TRIM27: variants seen among roughly 807,000 people sequenced by gnomAD.
The protein encoded by TRIM27 is tripartite motif containing 27.
A neutral mutation model predicts 57.6 loss-of-function variants in TRIM27; 12 were observed. The observed-to-expected ratio is 0.21, with a 90% CI of 0.13 to 0.34. The LOEUF is 0.34. Ranked by LOEUF, TRIM27 falls within the 10% of genes least tolerant of loss-of-function variation. The pLI, the probability that TRIM27 is intolerant of heterozygous loss-of-function variation, is 1.00. For synonymous variants in TRIM27, 266 were observed against 259.0 expected (o/e 1.03, Z -0.26); for missense variants, 403 against 656.8 (o/e 0.61, Z 4.22).
chr6:28,909,115 T>C, intron 4 of TRIM27, 27 bp from the exon 5 acceptor site: 1 of 1,547,692 alleles, frequency 6.5e-7, no homozygotes. Context: ...TGAGTAAATT[T>C]TTTTTTTTTT....
At chr6:28,922,473 T>G (rs931019872) in intron 1 of TRIM27, among the ~76,000 whole-genome samples, 7 of 152,194 alleles carry the variant, frequency 4.6e-5, no homozygotes, top group Non-Finnish European at 1.0e-4. Context: ...CCATAAATGT[T>G]AAGTGATTGC....
At chr6:28,905,684 C>G (rs1224678414) in intron 7 of TRIM27, 2 of 152,212 alleles carry the variant, frequency 1.3e-5, no homozygotes, top group African/African-American at 2.4e-5. Flanking sequence ...AGGTGTGAGC[C>G]ACTACACCCA....
In TRIM27 at chr6:28,903,328, G is replaced by A; in HGVS notation, c.*742C>T. 1 of 233,170 alleles carries A rather than the reference G, an allele frequency of 4.3e-6. No individual in the cohort carries two copies. Among genetic ancestry groups the A allele is most frequent in the East Asian group, 6.0e-5 (1 of 16,584 alleles). The allele number at this position is 233,170 out of a possible 1,614,324, so 14.4% of individuals were successfully genotyped here. A position where few individuals can be genotyped will look rare whatever the true frequency, so the allele number is the denominator to read the frequency against. ...GTGACTGGTAAGGGATCTAGTAACA[G>A]AGGATGGAGTTGGGCAGAATATTAT... On this transcript the variant is annotated 3_prime_UTR_variant, in exon 8 of 8. Coordinates refer to ENST00000377199, the MANE Select transcript of TRIM27 (RefSeq NM_006510.5).
At chr6:28,913,599 CAA>C (rs769529959) in intron 3 of TRIM27, among the ~76,000 whole-genome samples, 82 of 152,164 alleles carry the variant, frequency 5.4e-4, no homozygotes, top group African/African-American at 1.1e-3. Flanking sequence ...GACACTTCGT[CAA>C]AAGTGTATTA....
In TRIM27 at chr6:28,903,075, T is replaced by TG; in HGVS notation, c.*994dup. 4.4e-6 allele frequency: 1 copy of TG among 228,894 alleles called. No individual in the cohort carries two copies. 14.2% of individuals were successfully genotyped at this position (228,894 alleles called of 1,614,324 possible). On this transcript the variant is annotated 3_prime_UTR_variant, in exon 8 of 8. Transcript: ENST00000377199. ...AGAGAAGCAGGACTGAGAACCATCA[T>TG]GGGGGCTTGCTTGAAGTGATCTGCC...
At chr6:28,922,813 G>C (rs892508671) in intron 1 of TRIM27, among the ~76,000 whole-genome samples, 2 of 152,212 alleles carry the variant, frequency 1.3e-5, no homozygotes, top group Admixed American at 1.3e-4. Context: ...AATGCTTATA[G>C]ACTAAGGAAT....
At position 28,923,495 on chromosome 6, in the gene TRIM27, CG is replaced by C; in HGVS notation, c.137del (p.Thr46ArgfsTer29). 6.2e-7 allele frequency: 1 copy of C among 1,612,046 alleles called. No individual in the cohort carries two copies. Among genetic ancestry groups the C allele is most frequent in the African/African-American group, 1.3e-5 (1 of 75,044 alleles). On this transcript the variant is annotated frameshift_variant, in exon 1 of 8. Coordinates refer to ENST00000377199, the MANE Select transcript of TRIM27 (RefSeq NM_006510.5). LOFTEE classifies it high-confidence loss of function. ...CCACLARCWG[T>X]AETNVSCPQC... is the part of the protein sequence containing the mutation. The stretch of plus-strand genomic sequence containing the variant: ...GCGGGCACGACACGTTAGTCTCTGC[CG>C]TGCCCCAGCAGCGGGCGAGGCACGC...
In TRIM27 at chr6:28,903,926, G is replaced by C. The variant is rs1772575480; in HGVS notation, c.*144C>G. On this transcript the variant is annotated 3_prime_UTR_variant, in exon 8 of 8. Transcript: ENST00000377199. ...GCATGGGAAGGAAAAGGATGGTAGA[G>C]AACATGGACATCCTGTCTCCCACTG... 1 of 658,218 alleles carries C rather than the reference G, an allele frequency of 1.5e-6. No homozygotes were observed. The allele number at this position is 658,218 out of a possible 1,614,324, so 40.8% of individuals were successfully genotyped here.
Position 28,907,199 on chromosome 6 carries a change from T to C in TRIM27, c.946+37A>G, listed in dbSNP as rs1265874782. The stretch of plus-strand genomic sequence containing the variant: ...TAGTTAGGTTCACAAGGATTTTTAC[T>C]CCTTACCCTAATATGGTTTTGTCTC... On this transcript the variant is annotated intron_variant, in intron 7 of 7. Coordinates refer to ENST00000377199, the MANE Select transcript of TRIM27 (RefSeq NM_006510.5). The C allele has an allele frequency of 1.9e-6, 3 of 1,583,866 alleles. No individual in the cohort carries two copies. In the South Asian group the frequency reaches 3.5e-5, roughly 18 times the overall value.
At position 28,904,505 on chromosome 6, in the gene TRIM27, C is replaced by A. The variant is rs752785876; in HGVS notation, c.1107G>T (p.Gly369=). ...CCACCTCTACCTCCCAATAATGTCTCCCGGCGATGAAGCATGGAGAGCCCA... is the reference window on the plus strand; with the variant it reads ...CCACCTCTACCTCCCAATAATGTCTACCGGCGATGAAGCATGGAGAGCCCA... The part of the protein sequence containing the change: ...CVLGSPCFIA[G]RHYWEVEVGD... Residue 369 remains glycine (G), a synonymous_variant, in exon 8 of 8, where the codon GGG becomes GGT. Coordinates refer to ENST00000377199, the MANE Select transcript of TRIM27 (RefSeq NM_006510.5). The surrounding 1 kb of genome is among the most constrained non-coding windows in gnomAD (Gnocchi z 6.1). 197 of 1,612,890 alleles carry A rather than the reference C, an allele frequency of 1.2e-4. 1 individual carries two copies. Among genetic ancestry groups the A allele is most frequent in the Non-Finnish European group, 2.5e-6 (3 of 1,180,032 alleles).
intron 3 of TRIM27, 102 bp from the exon 4 acceptor site, chr6:28,911,820 G>A (rs1297060758): frequency 3.5e-5 from 40 of 1,134,326 alleles, no homozygotes; most frequent in Non-Finnish European, 5.1e-5. Flanking sequence ...TGGCTCTCAT[G>A]GGAGAAATTA....
In TRIM27 at chr6:28,923,849, A is replaced by C; in HGVS notation, c.-217T>G. 1 of 529,128 alleles carries C rather than the reference A, an allele frequency of 1.9e-6. No homozygotes were observed. The highest frequency in any genetic ancestry group is 3.2e-6 in the Non-Finnish European group (1 of 308,856). 32.8% of individuals were successfully genotyped at this position (529,128 alleles called of 1,614,324 possible). On this transcript the variant is annotated 5_prime_UTR_variant, in exon 1 of 8. The change creates a new upstream start codon in the 5' untranslated region. Coordinates refer to ENST00000377199, the MANE Select transcript of TRIM27 (RefSeq NM_006510.5). Reference sequence around the variant, plus strand: ...CCTGTGCCCCCTAAGCGAGAGCGGGAATACGGCCGGCTCACCGAGGCTCGC... The same window carrying C: ...CCTGTGCCCCCTAAGCGAGAGCGGGCATACGGCCGGCTCACCGAGGCTCGC...
chr6:28,922,214 T>C (rs769162303), intron 1 of TRIM27, among the ~76,000 whole-genome samples: 2 of 152,210 alleles, frequency 1.3e-5, no homozygotes, highest in Non-Finnish European at 2.9e-5. Context: ...ACCACTCAGC[T>C]ACCTCGTCAG....
At chr6:28,905,754 T>C (rs1198038273) in intron 7 of TRIM27, 1 of 152,212 alleles carries the variant, frequency 6.6e-6, no homozygotes, top group African/African-American at 2.4e-5. Context: ...GAAGCTCTAT[T>C]CATCTTCTTC....
At chr6:28,908,917 T>C in intron 5 of TRIM27, 56 bp downstream of exon 5, 1 of 1,599,258 alleles carries the variant, frequency 6.3e-7, no homozygotes, top group Non-Finnish European at 8.6e-7. Context: ...CATCAGGCAA[T>C]ATGCAGATAC....
At chr6:28,912,043 CTTTT>C (rs1773245813) in intron 3 of TRIM27, among the ~76,000 whole-genome samples, 1 of 149,226 alleles carries the variant, frequency 6.7e-6, no homozygotes, top group Non-Finnish European at 1.5e-5. Context: ...AGCTTGCTTT[CTTTT>C]TATTATGAAA....
chr6:28,923,732 G>A lies in TRIM27; in HGVS notation c.-100C>T, dbSNP rs1774256095. On this transcript the variant is annotated 5_prime_UTR_variant, in exon 1 of 8. Coordinates refer to ENST00000377199, the MANE Select transcript of TRIM27 (RefSeq NM_006510.5). ...CTCTCCGGTTCGCTGTTCCTGAGAGGCACCGGGCGGACGGAGGGCGGCGCC... is the reference window on the plus strand; with the variant it reads ...CTCTCCGGTTCGCTGTTCCTGAGAGACACCGGGCGGACGGAGGGCGGCGCC... The A allele has an allele frequency of 1.5e-6, 2 of 1,318,000 alleles. No homozygotes were observed. The highest frequency in any genetic ancestry group is 1.5e-5 in the African/African-American group (1 of 66,036). 81.6% of individuals were successfully genotyped at this position (1,318,000 alleles called of 1,614,324 possible).
At chr6:28,912,516 ACT>A (rs964506258) in intron 3 of TRIM27, among the ~76,000 whole-genome samples, 1 of 151,826 alleles carries the variant, frequency 6.6e-6, no homozygotes, top group East Asian at 2.0e-4. Flanking sequence ...AAAGTAGCAT[ACT>A]CTCTATTTCA....
chr6:28,907,129 C>T, intron 7 of TRIM27, 107 bp downstream of exon 7: 1 of 1,078,790 alleles, frequency 9.3e-7, no homozygotes, highest in Non-Finnish European at 1.4e-6. Context: ...ATACATGTAA[C>T]CAAAAGAATC....
Sources: allele counts gnomAD v4.1 joint callset (sites outside exome capture counted in the v4.1 genomes callset), GRCh38; gene constraint gnomAD v4.1.1; non-coding constraint Gnocchi (gnomAD v3.1); transcripts MANE v1.5; gene names NCBI Gene and HGNC (gene_info 2026-07-23, HGNC 2026-07-21).